ATP10B: variants seen among roughly 807,000 people sequenced by gnomAD.
The protein encoded by ATP10B is ATPase phospholipid transporting 10B (putative), also known as phospholipid-transporting ATPase VB.
ATP10B carries 122 observed loss-of-function variants against 141.2 expected under a neutral mutation model. The observed-to-expected ratio is 0.86, with a 90% CI of 0.75 to 1.00. The LOEUF (loss-of-function observed/expected upper bound fraction) is 1.00. Among genes scored for constraint, ATP10B ranks in the 50% least tolerant of loss-of-function variants. ATP10B has a pLI of 0.00. For missense variants in ATP10B, 1,876 were observed against 1,825.3 expected (o/e 1.03, Z -0.51); for synonymous variants, 685 against 692.0 (o/e 0.99, Z 0.16).
chr5:160,642,353 T>TTG (rs1198225518), intron 9 of ATP10B, among the ~76,000 whole-genome samples: 3 of 152,220 alleles, frequency 2.0e-5, no homozygotes, highest in Non-Finnish European at 4.4e-5. Flanking sequence ...TTGGACCTCT[T>TTG]TCTTCTGTAA....
chr5:160,906,147 T>A, the ATP10B span, among the ~76,000 whole-genome samples: 1 of 152,338 alleles, frequency 6.6e-6, no homozygotes, highest in Admixed American at 6.5e-5. Flanking sequence ...ATAGCTTCAA[T>A]TTTCCAAGAA....
chr5:160,797,793 T>C (rs766407251), intron 1 of ATP10B, among the ~76,000 whole-genome samples: 3 of 151,744 alleles, frequency 2.0e-5, no homozygotes, highest in African/African-American at 7.3e-5. Context: ...AATTTGATGC[T>C]AAATACAAGA....
At chr5:160,858,211 T>G in the ATP10B span, among the ~76,000 whole-genome samples, 3 of 152,050 alleles carry the variant, frequency 2.0e-5, no homozygotes, top group African/African-American at 7.2e-5. Flanking sequence ...CTTTTGACCA[T>G]TATATAATGT....
At chr5:160,835,440 C>T (rs756059764) in intron 1 of ATP10B, among the ~76,000 whole-genome samples, 1 of 152,108 alleles carries the variant, frequency 6.6e-6, no homozygotes, top group Non-Finnish European at 1.5e-5. Context: ...TCATCTCTAT[C>T]TGCTGCCCAA....
intron 22 of ATP10B, among the ~76,000 whole-genome samples, chr5:160,597,320 G>A (rs1756776984): frequency 6.6e-6 from 1 of 152,176 alleles, no homozygotes; most frequent in South Asian, 2.1e-4. Flanking sequence ...AATAAATGGT[G>A]CTGGGAAAAC....
intron 22 of ATP10B, among the ~76,000 whole-genome samples, chr5:160,595,784 A>T (rs1756644284): frequency 6.6e-6 from 1 of 151,780 alleles, no homozygotes; most frequent in African/African-American, 2.4e-5. Flanking sequence ...ATACACTAGA[A>T]AATCTAGAAG....
chr5:160,663,139 A>T (rs1762060363), intron 7 of ATP10B, among the ~76,000 whole-genome samples: 1 of 152,078 alleles, frequency 6.6e-6, no homozygotes, highest in South Asian at 2.1e-4. Flanking sequence ...TCAGGAAACA[A>T]CAGGTGCTGG....
At chr5:160,887,712 G>A in the ATP10B span, among the ~76,000 whole-genome samples, 3 of 152,240 alleles carry the variant, frequency 2.0e-5, no homozygotes, top group African/African-American at 7.2e-5. Context: ...CCTCCTGAGG[G>A]TCTTTCAGTC....
At chr5:160,573,056 AT>A (rs1163696970) in intron 24 of ATP10B, among the ~76,000 whole-genome samples, 3 of 152,176 alleles carry the variant, frequency 2.0e-5, no homozygotes, top group Non-Finnish European at 4.4e-5. Flanking sequence ...TATGGGCTGA[AT>A]GTTTATGTCC....
At chr5:160,871,847 T>C in the ATP10B span, among the ~76,000 whole-genome samples, 1 of 152,128 alleles carries the variant, frequency 6.6e-6, no homozygotes, top group Non-Finnish European at 1.5e-5. Flanking sequence ...TTTTTTTATA[T>C]AATGACTTTT....
At chr5:160,688,968 A>C (rs975864092) in intron 3 of ATP10B, 25 bp from the exon 4 acceptor site, 1 of 984,786 alleles carries the variant, frequency 1.0e-6, no homozygotes, top group Non-Finnish European at 1.2e-6. Flanking sequence ...TTGATTAAGC[A>C]GATGGTCTGC....
intron 2 of ATP10B, among the ~76,000 whole-genome samples, chr5:160,719,959 T>G (rs1765899332): frequency 6.6e-6 from 1 of 152,218 alleles, no homozygotes; most frequent in African/African-American, 2.4e-5. Context: ...GTGGTTAGAC[T>G]TTTTCCTTTC....
the ATP10B span, among the ~76,000 whole-genome samples, chr5:160,878,447 C>T: frequency 6.6e-6 from 1 of 152,142 alleles, no homozygotes; most frequent in Non-Finnish European, 1.5e-5. Context: ...AAAACCTAGG[C>T]ATTACCATTC....
intron 2 of ATP10B, among the ~76,000 whole-genome samples, chr5:160,756,818 A>T (rs1294234559): frequency 1.3e-5 from 2 of 152,232 alleles, no homozygotes; most frequent in East Asian, 1.9e-4. Context: ...GGGTTGTCTT[A>T]ATAAGTTATA....
chr5:160,615,045 G>A (rs941888659), intron 17 of ATP10B, among the ~76,000 whole-genome samples: 11 of 152,154 alleles, frequency 7.2e-5, no homozygotes, highest in African/African-American at 2.4e-4. Flanking sequence ...CAGTCTCTGT[G>A]CTTCTCTTCT....
the ATP10B span, among the ~76,000 whole-genome samples, chr5:160,869,970 A>G: frequency 5.9e-4 from 90 of 152,284 alleles, no homozygotes; most frequent in Middle Eastern, 6.8e-3. Context: ...ATTTTGAAAT[A>G]TACCAGGCAA....
chr5:160,571,210 T>G (rs1754855561), intron 24 of ATP10B, among the ~76,000 whole-genome samples: 1 of 152,168 alleles, frequency 6.6e-6, no homozygotes, highest in Non-Finnish European at 1.5e-5. Flanking sequence ...TCAGACCACT[T>G]AAAATATCAT....
intron 18 of ATP10B, 137 bp downstream of exon 18, chr5:160,612,604 C>A (rs1757775161): frequency 1.5e-6 from 1 of 676,240 alleles, no homozygotes; most frequent in South Asian, 2.1e-5. Flanking sequence ...CCTCTAGACT[C>A]CAAGATTCAG....
chr5:160,801,479 A>C (rs553022866), intron 1 of ATP10B, among the ~76,000 whole-genome samples: 2 of 152,314 alleles, frequency 1.3e-5, no homozygotes, highest in African/African-American at 4.8e-5. Context: ...ATTTTGTGCA[A>C]ATTCCATCTA....
Sources: allele counts gnomAD v4.1 joint callset (sites outside exome capture counted in the v4.1 genomes callset), GRCh38; gene constraint gnomAD v4.1.1; transcripts MANE v1.5; gene names NCBI Gene and HGNC (gene_info 2026-07-23, HGNC 2026-07-21).